MRTFB: variants seen among roughly 807,000 people sequenced by gnomAD.
The protein encoded by MRTFB is myocardin related transcription factor B, also known as myocardin-related transcription factor B.
In MRTFB, 29 loss-of-function variants were observed where a neutral mutation model predicts 104.2. That is an observed-to-expected ratio of 0.28 (90% CI 0.21 to 0.38). The LOEUF is 0.38. Ranked by LOEUF, MRTFB falls within the 10% of genes least tolerant of loss-of-function variation. The pLI is 1.00. For missense variants in MRTFB, 1,270 were observed against 1,341.6 expected (o/e 0.95, Z 0.83); for synonymous variants, 535 against 519.5 (o/e 1.03, Z -0.41).
chr16:14,036,296 T>TTTTATATATATATATATA, the MRTFB span, among the ~76,000 whole-genome samples: 2 of 98,312 alleles, frequency 2.0e-5, no homozygotes, highest in Non-Finnish European at 4.0e-5. Context: ...TTATATATAT[T>TTTTATATATATATATATA]TATATATATA....
chr16:14,200,244 A>G, intron 3 of MRTFB: 1 of 1,382,900 alleles, frequency 7.2e-7, no homozygotes. Context: ...TGAATAATAC[A>G]TCCATATGTT....
intron 3 of MRTFB, among the ~76,000 whole-genome samples, chr16:14,193,177 C>T (rs749565135): frequency 8.0e-6 from 1 of 124,714 alleles, no homozygotes; most frequent in Non-Finnish European, 1.6e-5. Flanking sequence ...TGCGTCACTG[C>T]ACTCCAACCT....
chr16:14,238,070 G>C (rs2042600609), intron 9 of MRTFB, among the ~76,000 whole-genome samples: 1 of 152,172 alleles, frequency 6.6e-6, no homozygotes, highest in Non-Finnish European at 1.5e-5. Flanking sequence ...CTCAGCAGGG[G>C]TAAGTTTGCC....
chr16:14,080,323 T>C (rs919372530), intron 2 of MRTFB, among the ~76,000 whole-genome samples: 1 of 152,246 alleles, frequency 6.6e-6, no homozygotes, highest in Non-Finnish European at 1.5e-5. Flanking sequence ...TTAATGTTAA[T>C]GTATATGTAA....
intron 2 of MRTFB, among the ~76,000 whole-genome samples, chr16:14,128,783 TC>T (rs1279190708): frequency 2.0e-5 from 3 of 152,224 alleles, no homozygotes; most frequent in Non-Finnish European, 2.9e-5. Flanking sequence ...ATCGCAATAA[TC>T]TTGTACAGTA....
the MRTFB span, among the ~76,000 whole-genome samples, chr16:14,022,229 G>A: frequency 7.2e-5 from 11 of 152,302 alleles, 1 homozygote; most frequent in African/African-American, 2.6e-4. Context: ...CCACACTAGA[G>A]AAGGAGGTGG....
intron 2 of MRTFB, among the ~76,000 whole-genome samples, chr16:14,082,419 C>T (rs1433930109): frequency 2.0e-5 from 3 of 152,102 alleles, no homozygotes; most frequent in Non-Finnish European, 4.4e-5. Context: ...TAAGCTAGTA[C>T]CATGCTGTTT....
chr16:14,129,574 G>A (rs901371625), intron 2 of MRTFB, among the ~76,000 whole-genome samples: 1 of 152,148 alleles, frequency 6.6e-6, no homozygotes, highest in African/African-American at 2.4e-5. Context: ...GAGTGGGATT[G>A]CTGGATCATA....
intron 8 of MRTFB, among the ~76,000 whole-genome samples, chr16:14,225,656 GCATTCATTCATTCATT>G (rs74275913): frequency 0.024 from 3,558 of 151,276 alleles, 68 homozygotes; most frequent in Non-Finnish European, 0.042. Flanking sequence ...CATCCAGAAA[GCATTCATTCATTCATT>G]CATTCATTCA....
chr16:14,235,700 G>A (rs1051792804), intron 9 of MRTFB, among the ~76,000 whole-genome samples: 1 of 152,152 alleles, frequency 6.6e-6, no homozygotes, highest in African/African-American at 2.4e-5. Flanking sequence ...GGGGCTGATA[G>A]GTAGTAGCAG....
At chr16:14,039,331 T>C in the MRTFB span, among the ~76,000 whole-genome samples, 1 of 152,136 alleles carries the variant, frequency 6.6e-6, no homozygotes, top group Admixed American at 6.6e-5. Flanking sequence ...GGAAAAGGTG[T>C]GATGTCTTTT....
At chr16:14,011,402 G>A in the MRTFB span, among the ~76,000 whole-genome samples, 4 of 152,160 alleles carry the variant, frequency 2.6e-5, no homozygotes, top group African/African-American at 9.7e-5. Flanking sequence ...AGGAGTTAAA[G>A]GAAAGCACTC....
intron 2 of MRTFB, among the ~76,000 whole-genome samples, chr16:14,134,457 T>G (rs2037602397): frequency 6.6e-6 from 1 of 152,230 alleles, no homozygotes; most frequent in Admixed American, 6.5e-5. Context: ...CAGTCATGCT[T>G]TCAGCATTTT....
chr16:14,213,006 A>G (rs1253259927), intron 5 of MRTFB, among the ~76,000 whole-genome samples: 1 of 152,240 alleles, frequency 6.6e-6, no homozygotes, highest in African/African-American at 2.4e-5. Flanking sequence ...GAAAATAAAC[A>G]TATTCCAAAA....
At chr16:14,228,744 TA>T (rs1007711821) in intron 8 of MRTFB, among the ~76,000 whole-genome samples, 14 of 152,216 alleles carry the variant, frequency 9.2e-5, no homozygotes. Context: ...ATTCAGCCTT[TA>T]AAAAGGAAGC....
At chr16:14,074,099 T>G (rs776320151) in intron 1 of MRTFB, among the ~76,000 whole-genome samples, 12 of 152,168 alleles carry the variant, frequency 7.9e-5, no homozygotes, top group South Asian at 2.1e-4. Context: ...TGCTTCTTGA[T>G]GTAAGGTGTT....
intron 2 of MRTFB, among the ~76,000 whole-genome samples, chr16:14,090,452 C>T (rs2034987026): frequency 6.6e-6 from 1 of 152,162 alleles, no homozygotes; most frequent in African/African-American, 2.4e-5. Context: ...ATTTATGTGT[C>T]TAATACATAC....
intron 2 of MRTFB, among the ~76,000 whole-genome samples, chr16:14,097,145 T>C (rs969141451): frequency 6.6e-6 from 1 of 152,192 alleles, no homozygotes; most frequent in East Asian, 1.9e-4. Context: ...AGATGCAGAG[T>C]GGCCTTGCAG....
intron 8 of MRTFB, among the ~76,000 whole-genome samples, chr16:14,224,961 C>T (rs1016267255): frequency 2.6e-5 from 4 of 152,076 alleles, no homozygotes; most frequent in South Asian, 4.1e-4. Context: ...CCAAAGCGAG[C>T]GGATCACCTG....
Sources: gnomAD v4.1 joint callset for allele counts (sites outside exome capture counted in the v4.1 genomes callset) on GRCh38, gnomAD v4.1.1 for gene constraint, MANE v1.5 for transcripts, NCBI Gene and HGNC (gene_info 2026-07-23, HGNC 2026-07-21) for gene names.